Variants in RBFOX1 observed in about 807,000 individuals in gnomAD.
RBFOX1 encodes the protein RNA binding protein fox-1 homolog 1.
A neutral mutation model predicts 57.7 loss-of-function variants in RBFOX1; 8 were observed. The ratio of observed to expected loss-of-function variants is 0.14; its 90% CI spans 0.08 to 0.25. The LOEUF is 0.25. Ranked by LOEUF, RBFOX1 falls within the 10% of genes least tolerant of loss-of-function variation. RBFOX1 has a pLI of 1.00. For missense variants in RBFOX1, 611 were observed against 548.5 expected (o/e 1.11, Z -1.14); for synonymous variants, 326 against 222.4 (o/e 1.47, Z -4.15).
At chr16:6,789,029 G>T (rs994584341) in intron 3 of RBFOX1, among the ~76,000 whole-genome samples, 4 of 152,050 alleles carry the variant, frequency 2.6e-5, no homozygotes, top group Non-Finnish European at 5.9e-5. Context: ...TCTGAAGATG[G>T]TTCTCCTGCT....
In RBFOX1 at chr16:5,374,590, G is replaced by C. The variant is rs145921449; in HGVS notation, c.220-92626G>C. On this transcript the variant is annotated intron_variant, in intron 1 of 2. Coordinates refer to the RBFOX1 transcript ENST00000585867. The stretch of plus-strand genomic sequence containing the variant: ...CAGATGGGCAGGGTCCGGCTAAGAG[G>C]GTTTTGAATGGTTGGGGGATGAGCT... Among the ~76,000 whole-genome samples, 33 of 152,274 alleles carry C rather than the reference G, an allele frequency of 2.2e-4. No homozygotes were observed. In the East Asian group the frequency reaches 6.4e-3, roughly 29 times the overall value.
At chr16:7,605,233 A>T (rs1056894765) in intron 9 of RBFOX1, among the ~76,000 whole-genome samples, 5 of 152,206 alleles carry the variant, frequency 3.3e-5, no homozygotes, top group Non-Finnish European at 5.9e-5. Context: ...CATAAAACAC[A>T]TTCTGAAATG....
At position 6,408,420 on chromosome 16, in the gene RBFOX1, T is replaced by C. The variant is rs145737334; in HGVS notation, c.-64+91363T>C. Among the ~76,000 whole-genome samples the C allele has an allele frequency of 5.4e-3, 823 of 152,286 alleles. 17 individuals are homozygous for C. The highest frequency in any genetic ancestry group is 0.032 in the Admixed American group (493 of 15,296). Reference sequence around the variant, plus strand: ...GGAGCCAATGGTTAGTGTTTTTTAATAGACTGAAATTTTCATCAGGGCGAG... The same window carrying C: ...GGAGCCAATGGTTAGTGTTTTTTAACAGACTGAAATTTTCATCAGGGCGAG... On this transcript the variant is annotated intron_variant, in intron 2 of 15. Coordinates refer to ENST00000550418, the MANE Select transcript of RBFOX1 (RefSeq NM_018723.4).
intron 3 of RBFOX1, among the ~76,000 whole-genome samples, chr16:5,735,461 T>C (rs190568183): frequency 3.9e-5 from 6 of 152,366 alleles, no homozygotes; most frequent in Admixed American, 3.3e-4. Flanking sequence ...TCCAAGGCTG[T>C]TGAGGACATC....
At chr16:6,166,156 A>G (rs1453571903) in intron 1 of RBFOX1, among the ~76,000 whole-genome samples, 2 of 152,176 alleles carry the variant, frequency 1.3e-5, no homozygotes, top group Non-Finnish European at 2.9e-5. Context: ...AGTAGAAAGC[A>G]TCTTAGTTGG....
intron 4 of RBFOX1, chr16:7,333,239 A>G (rs960631786): frequency 2.9e-6 from 2 of 684,212 alleles, no homozygotes; most frequent in African/African-American, 3.6e-5. Context: ...AAAAAGATGG[A>G]TCACCCTAAT....
At chr16:5,952,307 C>T (rs1296810505) in intron 4 of RBFOX1, among the ~76,000 whole-genome samples, 1 of 151,922 alleles carries the variant, frequency 6.6e-6, no homozygotes, top group African/African-American at 2.4e-5. Context: ...TGCGCCACCA[C>T]ACCTGGTTAA....
intron 4 of RBFOX1, among the ~76,000 whole-genome samples, chr16:5,993,861 C>G (rs551272232): frequency 2.6e-5 from 4 of 152,206 alleles, no homozygotes; most frequent in South Asian, 2.1e-4. Flanking sequence ...ATAGGTAAGT[C>G]TGGGAAGATG....
chr16:7,430,169 T>A (rs969833959), intron 4 of RBFOX1, among the ~76,000 whole-genome samples: 1 of 152,240 alleles, frequency 6.6e-6, no homozygotes, highest in African/African-American at 2.4e-5. Flanking sequence ...CTAGCACATT[T>A]AAATATTTTT....
At chr16:5,741,071 C>T (rs2151590803) in intron 3 of RBFOX1, among the ~76,000 whole-genome samples, 1 of 152,228 alleles carries the variant, frequency 6.6e-6, no homozygotes, top group South Asian at 2.1e-4. Context: ...GAAATTGAGA[C>T]CAGGAAGGGT....
chr16:5,401,697 C>G (rs1024455886), intron 1 of RBFOX1, among the ~76,000 whole-genome samples: 2 of 151,670 alleles, frequency 1.3e-5, no homozygotes, highest in Admixed American at 1.3e-4. Flanking sequence ...GAAATTCACA[C>G]TTTCATTGTT....
At chr16:6,417,836 A>G (rs2093668219) in intron 2 of RBFOX1, among the ~76,000 whole-genome samples, 1 of 151,152 alleles carries the variant, frequency 6.6e-6, no homozygotes, top group Non-Finnish European at 1.5e-5. Flanking sequence ...TCCGTTAGTT[A>G]TTTTTCCTGA....
At chr16:7,453,514 G>A (rs1478269918) in intron 4 of RBFOX1, among the ~76,000 whole-genome samples, 1 of 152,202 alleles carries the variant, frequency 6.6e-6, no homozygotes, top group Non-Finnish European at 1.5e-5. Flanking sequence ...ACGAGCAGGG[G>A]CTGGTCCTTT....
At chr16:7,233,265 A>G (rs2093603963) in intron 4 of RBFOX1, among the ~76,000 whole-genome samples, 1 of 151,182 alleles carries the variant, frequency 6.6e-6, no homozygotes, top group South Asian at 2.1e-4. Context: ...ACTGTTTCTA[A>G]GCTGGCTCTA....
intron 2 of RBFOX1, among the ~76,000 whole-genome samples, chr16:6,548,791 C>T (rs2096930401): frequency 6.6e-6 from 1 of 152,104 alleles, no homozygotes. Flanking sequence ...AGTTAGCATC[C>T]TTGGCTGGGT....
intron 2 of RBFOX1, among the ~76,000 whole-genome samples, chr16:6,428,285 CAAAA>C (rs755273285): frequency 5.9e-5 from 3 of 51,224 alleles, no homozygotes; most frequent in East Asian, 1.0e-3. Flanking sequence ...GACCTTGTCT[CAAAA>C]AAAAAAAAAA....
At chr16:7,346,357 A>G (rs2097005953) in intron 4 of RBFOX1, among the ~76,000 whole-genome samples, 1 of 151,276 alleles carries the variant, frequency 6.6e-6, no homozygotes, top group African/African-American at 2.4e-5. Flanking sequence ...CCAAGAGGGC[A>G]GTGTATTTTC....
intron 4 of RBFOX1, among the ~76,000 whole-genome samples, chr16:7,441,721 A>G (rs2098768714): frequency 6.6e-6 from 1 of 152,190 alleles, no homozygotes; most frequent in Admixed American, 6.5e-5. Flanking sequence ...ACATCCGCAC[A>G]CTTCACCCAC....
At chr16:6,296,083 A>G (rs941837657) in intron 1 of RBFOX1, among the ~76,000 whole-genome samples, 3 of 152,224 alleles carry the variant, frequency 2.0e-5, no homozygotes, top group African/African-American at 7.2e-5. Flanking sequence ...CCGTACAAGC[A>G]GTTGTTCTTC....
Sources: allele counts gnomAD v4.1 joint callset (sites outside exome capture counted in the v4.1 genomes callset), GRCh38; gene constraint gnomAD v4.1.1; transcripts MANE v1.5; gene names NCBI Gene and HGNC (gene_info 2026-07-23, HGNC 2026-07-21).